The following ZNF518B variants were observed in gnomAD, a reference collection of about 807,000 sequenced individuals.
The protein encoded by ZNF518B is zinc finger protein 518B.
ZNF518B carries 23 observed loss-of-function variants against 56.3 expected under a neutral mutation model. That is an observed-to-expected ratio of 0.41 (90% CI 0.29 to 0.58). The LOEUF is 0.58. Ranked by LOEUF, ZNF518B falls within the 20% of genes least tolerant of loss-of-function variation. ZNF518B has a pLI of 0.32. For synonymous variants in ZNF518B, 529 were observed against 465.9 expected, an observed-to-expected ratio of 1.14 and a Z score of -1.74; for missense variants, 1,460 against 1,272.1, an observed-to-expected ratio of 1.15 and a Z score of -2.25.
At chr4:10,461,035 C>T (rs551140863), upstream of ZNF518B, among the ~76,000 whole-genome samples, 5 of 152,342 alleles carry the variant, frequency 3.3e-5, no homozygotes, top group African/African-American at 1.2e-4. Flanking sequence ...ATAAGACAAC[C>T]CCGGTTCTCA....
rs1177386200 is a variant in ZNF518B at position 10,442,734 on chromosome 4, G to A, written c.*370C>T. The A allele has an allele frequency of 1.1e-5, 2 of 174,226 alleles. No homozygotes were observed. Among genetic ancestry groups the A allele is most frequent in the Non-Finnish European group, 2.4e-5 (2 of 81,872 alleles). 10.8% of individuals were successfully genotyped at this position (174,226 alleles called of 1,614,324 possible). A position where few individuals can be genotyped will look rare whatever the true frequency, so the allele number is the denominator to read the frequency against. The stretch of plus-strand genomic sequence containing the variant: ...GGTTTTTCTGTAGCATTTATATGAA[G>A]AGCATGTGTAAAACATTCTCAATCT... On this transcript the variant is annotated 3_prime_UTR_variant, in exon 3 of 3. Transcript: ENST00000326756.
rs1485751810 is a variant in ZNF518B at position 10,454,906 on chromosome 4, G to A, written c.-313C>T. The A allele has an allele frequency of 6.6e-6, 1 of 152,270 alleles. No homozygotes were observed. The highest frequency in any genetic ancestry group is 1.5e-5 in the Non-Finnish European group (1 of 68,084). The allele number at this position is 152,270 out of a possible 1,614,324, so 9.4% of individuals were successfully genotyped here. On this transcript the variant is annotated 5_prime_UTR_variant, in exon 2 of 3. Transcript: ENST00000326756. ...GGCCTTCTCTTCTCAGGCGTGGACT[G>A]CCATGAGTTTCACAACCTCAGGCCC...
upstream of ZNF518B, among the ~76,000 whole-genome samples, chr4:10,460,668 G>C (rs1201295380): frequency 6.6e-6 from 1 of 152,188 alleles, no homozygotes; most frequent in African/African-American, 2.4e-5. Flanking sequence ...TCTGCCAGTG[G>C]GGAGCTTGGG....
Position 10,446,167 on chromosome 4 carries a change from C to T in ZNF518B, c.162G>A (p.Met54Ile). 1 of 1,614,202 alleles carries T rather than the reference C, an allele frequency of 6.2e-7. No individual in the cohort carries two copies. Among genetic ancestry groups the T allele is most frequent in the South Asian group, 1.1e-5 (1 of 91,080 alleles). The change falls in exon 3 of 3, where the codon ATG becomes ATA. Residue 54 changes from methionine (M) to isoleucine (I), a missense_variant. Met to Ile is a conservative substitution (Grantham distance 10, BLOSUM62 1). Coordinates refer to ENST00000326756, the MANE Select transcript of ZNF518B (RefSeq NM_053042.3). The part of the protein sequence containing the change: ...LYQGSEAEAA[M>I]MTIATCAKCK... ...ACTTTGCACATGTAGCAATGGTCAT[C>T]ATGGCAGCCTCTGCCTCTGAGCCTT...
chr4:10,444,836 A>G lies in ZNF518B; in HGVS notation c.1493T>C (p.Leu498Pro). Residue 498 changes from leucine (L) to proline (P), a missense_variant, in exon 3 of 3, where the codon CTT (leucine) becomes CCT (proline). By Grantham distance (98) the Leu-to-Pro change is moderately conservative. Coordinates refer to ENST00000326756, the MANE Select transcript of ZNF518B (RefSeq NM_053042.3). The part of the protein sequence containing the change: ...SVFKNSVLRS[L>P]GAASNPFPYK... ...TGGAAAAGGGTTTGATGCAGCTCCA[A>G]GACTACGTAAAACACTGTTTTTAAA... 1 of 1,614,082 alleles carries G rather than the reference A, an allele frequency of 6.2e-7. No homozygotes were observed. Among genetic ancestry groups the G allele is most frequent in the African/African-American group, 1.3e-5 (1 of 75,052 alleles).
At chr4:10,460,199 G>A (rs1715697775), upstream of ZNF518B, among the ~76,000 whole-genome samples, 4 of 150,400 alleles carry the variant, frequency 2.7e-5, no homozygotes, top group Admixed American at 1.3e-4. Flanking sequence ...CAGCTACTCA[G>A]GAGGCTGAGG....
Position 10,443,302 on chromosome 4 carries a change from C to A in ZNF518B, c.3027G>T (p.Leu1009Phe), listed in dbSNP as rs1560167664. The A allele has an allele frequency of 1.9e-6, 3 of 1,614,128 alleles. No homozygotes were observed. The highest frequency in any genetic ancestry group is 2.5e-6 in the Non-Finnish European group (3 of 1,179,998). ...EASQIKRQMM[L>F]KMKLKKVHKN... ...TATGAACTTTTTTGAGTTTCATTTT[C>A]AACATCATTTGCCTTTTAATTTGAC... The change falls in exon 3 of 3, where the codon TTG (leucine) becomes TTT (phenylalanine). Residue 1009 changes from leucine to phenylalanine, a missense_variant. Transcript: ENST00000326756.
rs748155713 is a variant in ZNF518B at position 10,443,565 on chromosome 4, G to A, written c.2764C>T (p.Gln922Ter). The A allele has an allele frequency of 1.2e-6, 2 of 1,614,148 alleles. No individual in the cohort carries two copies. Among genetic ancestry groups the A allele is most frequent in the Non-Finnish European group, 1.7e-6 (2 of 1,180,036 alleles). ...KDPSIFQVAR[Q>*]LRLIAAKPDQ... ...GGCTTAGCTGCTATCAGTCTTAGTT[G>A]CCTTGCAACCTGAAAAATTGAAGGA... Residue 922 changes from glutamine (Q) to a stop codon, truncating the protein, a stop_gained, in exon 3 of 3, where the codon CAA becomes TAA. Coordinates refer to ENST00000326756, the MANE Select transcript of ZNF518B (RefSeq NM_053042.3). LOFTEE classifies it high-confidence loss of function.
intron 2 of ZNF518B, chr4:10,454,319 A>C (rs866455075): frequency 2.0e-5 from 3 of 152,292 alleles, no homozygotes; most frequent in Middle Eastern, 3.4e-3. Context: ...AGATTCTTAG[A>C]AATTTGAATG....
chr4:10,454,413 GT>G (rs1715447543), intron 2 of ZNF518B: 1 of 152,290 alleles, frequency 6.6e-6, no homozygotes, highest in African/African-American at 2.4e-5. Context: ...GTGGGCTGCT[GT>G]TTTTAAGGAG....
chr4:10,449,763 A>G (rs1245121151), intron 2 of ZNF518B, among the ~76,000 whole-genome samples: 1 of 152,242 alleles, frequency 6.6e-6, no homozygotes, highest in South Asian at 2.1e-4. Context: ...AACTATTTGA[A>G]CATAACACCC....
In ZNF518B at chr4:10,442,982, G is replaced by A. The variant is rs1714749761; in HGVS notation, c.*122C>T. On this transcript the variant is annotated 3_prime_UTR_variant, in exon 3 of 3. Coordinates refer to ENST00000326756, the MANE Select transcript of ZNF518B (RefSeq NM_053042.3). ...ACTCCTAGCTCCCAATATTCCTACA[G>A]TTCTGAAGAATTAGCAGTCCTCTCA... 6 of 868,644 alleles carry A rather than the reference G, an allele frequency of 6.9e-6. No individual in the cohort carries two copies. The highest frequency in any genetic ancestry group is 1.0e-5 in the Non-Finnish European group (6 of 580,030). 53.8% of individuals were successfully genotyped at this position (868,644 alleles called of 1,614,324 possible).
chr4:10,459,587 G>A (rs556838868), upstream of ZNF518B, among the ~76,000 whole-genome samples: 27 of 152,194 alleles, frequency 1.8e-4, no homozygotes, highest in Non-Finnish European at 3.8e-4. Flanking sequence ...CATTAGGGTG[G>A]GCCCTTATCC....
intron 2 of ZNF518B, among the ~76,000 whole-genome samples, chr4:10,448,659 G>C (rs1715172018): frequency 6.6e-6 from 1 of 151,948 alleles, no homozygotes; most frequent in Admixed American, 6.6e-5. Flanking sequence ...GGTTGCAGTG[G>C]GGGGCTGGAG....
chr4:10,443,517 G>C lies in ZNF518B; in HGVS notation c.2812C>G (p.Arg938Gly). 3 of 1,613,868 alleles carry C rather than the reference G, an allele frequency of 1.9e-6. No homozygotes were observed. Among genetic ancestry groups the C allele is most frequent in the Non-Finnish European group, 2.5e-6 (3 of 1,179,780 alleles). The part of the protein sequence containing the change: ...AKPDQLIKCP[R>G]RNQPVIVLNH... ...AACACAATGACTGGCTGGTTCCGACGGGGACACTTAATCAACTGATCTGGC... is the reference window on the plus strand; with the variant it reads ...AACACAATGACTGGCTGGTTCCGACCGGGACACTTAATCAACTGATCTGGC... Residue 938 changes from arginine (R) to glycine (G), a missense_variant, in exon 3 of 3, where the codon CGT (arginine) becomes GGT (glycine). By Grantham distance (125) the Arg-to-Gly change is moderately radical (BLOSUM62 -2). Transcript: ENST00000326756.
chr4:10,446,314 T>C lies in ZNF518B; in HGVS notation c.15A>G (p.Gly5=). 1 of 1,609,334 alleles carries C rather than the reference T, an allele frequency of 6.2e-7. No homozygotes were observed. The change falls in exon 3 of 3, where the codon GGA becomes GGG. Residue 5 remains glycine (G), a synonymous_variant. Transcript: ENST00000326756. MKDI[G]QQLYTTHLNG... ...TCAAGTGTGTAGTGTATAGCTGCTGTCCAATATCCTTCATCTTATCTGCAT... is the reference window on the plus strand; with the variant it reads ...TCAAGTGTGTAGTGTATAGCTGCTGCCCAATATCCTTCATCTTATCTGCAT...
rs745341922 is a variant in ZNF518B at position 10,445,605 on chromosome 4, G to T, written c.724C>A (p.Leu242Ile). 2 of 1,614,160 alleles carry T rather than the reference G, an allele frequency of 1.2e-6. No homozygotes were observed. The highest frequency in any genetic ancestry group is 2.2e-5 in the South Asian group (2 of 91,084). ...GTCCGTGGATTGGAAGCTTTTAGAAGCTCTGGGTTTTGTTTTGAAGTTCCG... is the reference window on the plus strand; with the variant it reads ...GTCCGTGGATTGGAAGCTTTTAGAATCTCTGGGTTTTGTTTTGAAGTTCCG... ...RTGTSKQNPE[L>I]LKASNPRTTF... Residue 242 changes from leucine (L) to isoleucine (I), a missense_variant, in exon 3 of 3, where the codon CTT (leucine) becomes ATT (isoleucine). By Grantham distance (5) the Leu-to-Ile change is conservative. Transcript: ENST00000326756.
At chr4:10,447,120 T>C (rs995688012) in intron 2 of ZNF518B, among the ~76,000 whole-genome samples, 9 of 152,218 alleles carry the variant, frequency 5.9e-5, no homozygotes, top group African/African-American at 2.2e-4. Context: ...ATTGGGAATC[T>C]ACTATGTGCT....
chr4:10,444,078 C>G lies in ZNF518B; in HGVS notation c.2251G>C (p.Gly751Arg), dbSNP rs931661128. 1 of 1,614,226 alleles carries G rather than the reference C, an allele frequency of 6.2e-7. No homozygotes were observed. Residue 751 changes from glycine (G) to arginine (R), a missense_variant, in exon 3 of 3, where the codon GGC becomes CGC. Coordinates refer to ENST00000326756, the MANE Select transcript of ZNF518B (RefSeq NM_053042.3). ...CTGCTTTTGGTTTTCCTATTACTGC[C>G]ATCTGCAAAGTGTGGATATATTTGT... ...HQQIYPHFAD[G>R]SNRKTKSRVA...
Sources: allele counts gnomAD v4.1 joint callset (sites outside exome capture counted in the v4.1 genomes callset), GRCh38; gene constraint gnomAD v4.1.1; transcripts MANE v1.5; gene names NCBI Gene and HGNC (gene_info 2026-07-23, HGNC 2026-07-21).